ROS1: variants seen among roughly 807,000 people sequenced by gnomAD.
ROS1 encodes proto-oncogene tyrosine-protein kinase ROS.
ROS1 carries 263 observed loss-of-function variants against 273.5 expected under a neutral mutation model. The observed-to-expected ratio is 0.96, with a 90% confidence interval of 0.87 to 1.06. ROS1 has a LOEUF of 1.06. Ranked by LOEUF, ROS1 falls within the 50% of genes least tolerant of loss-of-function variation. The pLI is 0.00. For missense variants in ROS1, 2,833 were observed against 2,751.1 expected, an observed-to-expected ratio of 1.03 and a Z score of -0.67; for synonymous variants, 1,008 against 954.1, an observed-to-expected ratio of 1.06 and a Z score of -1.04.
chr6:117,414,100 ATATT>A (rs1562386081), intron 4 of ROS1, among the ~76,000 whole-genome samples: 1 of 152,202 alleles, frequency 6.6e-6, no homozygotes, highest in Non-Finnish European at 1.5e-5. Context: ...TTAATGTCCT[ATATT>A]TAATGATAGA....
At chr6:117,363,505 C>T (rs1779969994) in intron 21 of ROS1, among the ~76,000 whole-genome samples, 1 of 152,098 alleles carries the variant, frequency 6.6e-6, no homozygotes, top group Admixed American at 6.5e-5. Context: ...CTGGATGGCC[C>T]TCTCCTCTCT....
intron 27 of ROS1, 100 bp downstream of exon 27, chr6:117,352,890 A>G: frequency 9.2e-7 from 1 of 1,089,684 alleles, no homozygotes; most frequent in Non-Finnish European, 1.3e-6. Flanking sequence ...TGAGAGCACA[A>G]CAAAGGGGCT....
intron 31 of ROS1, among the ~76,000 whole-genome samples, chr6:117,339,043 GTTC>G (rs896076055): frequency 6.6e-6 from 1 of 152,088 alleles, no homozygotes; most frequent in African/African-American, 2.4e-5. Flanking sequence ...TTTTAAATAT[GTTC>G]TTCTTCTATA....
intron 43 of ROS1, among the ~76,000 whole-genome samples, chr6:117,290,163 C>A (rs1293308803): frequency 6.6e-6 from 1 of 152,154 alleles, no homozygotes; most frequent in Non-Finnish European, 1.5e-5. Context: ...AAACTTCCTA[C>A]TAAAACATGA....
chr6:117,409,463 T>G (rs1774716737), intron 5 of ROS1, 119 bp downstream of exon 5: 1 of 728,628 alleles, frequency 1.4e-6, no homozygotes, highest in African/African-American at 1.8e-5. Flanking sequence ...ATAGATATTT[T>G]TGATCATATT....
At chr6:117,406,849 G>A (rs575705135) in intron 5 of ROS1, among the ~76,000 whole-genome samples, 1 of 152,246 alleles carries the variant, frequency 6.6e-6, no homozygotes, top group South Asian at 2.1e-4. Context: ...GCATGCTAAT[G>A]GGGCCTGTGT....
intron 6 of ROS1, 59 bp from the exon 7 acceptor site, chr6:117,403,336 A>C (rs1407179): frequency 0.51 from 772,919 of 1,520,198 alleles, 204,357 homozygotes; most frequent in African/African-American, 0.88. Context: ...CATTGGGACT[A>C]AAAAGCATAG....
At chr6:117,335,259 C>A (rs1159305171) in intron 32 of ROS1, among the ~76,000 whole-genome samples, 1 of 152,138 alleles carries the variant, frequency 6.6e-6, no homozygotes, top group African/African-American at 2.4e-5. Flanking sequence ...CACTGATCAT[C>A]AGAGGAGTAC....
In ROS1 at chr6:117,389,957, G is replaced by A; in HGVS notation, c.1290-111C>T. ...ACAATCAGAACTATGTATCTCTGATGTTGCTAAGTACAGGATTTTCCAAGG... is the reference window on the plus strand; with the variant it reads ...ACAATCAGAACTATGTATCTCTGATATTGCTAAGTACAGGATTTTCCAAGG... On this transcript the variant is annotated intron_variant, in intron 12 of 43. Coordinates refer to ENST00000368507, the MANE Select transcript of ROS1 (RefSeq NM_001378902.1). 4 of 941,196 alleles carry A rather than the reference G, an allele frequency of 4.2e-6. No homozygotes were observed. In the South Asian group the frequency reaches 6.8e-5, roughly 16 times the overall value. 58.3% of individuals were successfully genotyped at this position (941,196 alleles called of 1,614,324 possible).
At chr6:117,307,170 T>A (rs1430762918) in intron 42 of ROS1, among the ~76,000 whole-genome samples, 1 of 152,168 alleles carries the variant, frequency 6.6e-6, no homozygotes, top group Non-Finnish European at 1.5e-5. Context: ...TCTACCTTTT[T>A]CTGCTCCACA....
At chr6:117,383,247 G>GA in intron 17 of ROS1, 70 bp downstream of exon 17, 1 of 1,215,770 alleles carries the variant, frequency 8.2e-7, no homozygotes. Context: ...CACAATAAGC[G>GA]AGAGAAAGTA....
chr6:117,389,425 G>A lies in ROS1; in HGVS notation c.1711C>T (p.Gln571Ter). Residue 571 changes from glutamine (Q) to a stop codon, truncating the protein, a stop_gained, in exon 13 of 44, where the codon CAG becomes TAG. Transcript: ENST00000368507. LOFTEE classifies it high-confidence loss of function. ...SQLHPLPGRP[Q>*]ELSVLFGSHQ... is the part of the protein sequence containing the mutation. Reference sequence around the variant, plus strand: ...GAGCCAAACAGCACCGAAAGCTCCTGCGGGCGGCCTGGCAGAGGGTGCAGC... The same window carrying A: ...GAGCCAAACAGCACCGAAAGCTCCTACGGGCGGCCTGGCAGAGGGTGCAGC... The A allele has an allele frequency of 1.9e-6, 3 of 1,614,206 alleles. No homozygotes were observed. Among genetic ancestry groups the A allele is most frequent in the Non-Finnish European group, 2.5e-6 (3 of 1,180,044 alleles).
chr6:117,356,562 T>C, intron 26 of ROS1, 67 bp downstream of exon 26: 2 of 1,417,326 alleles, frequency 1.4e-6, no homozygotes, highest in East Asian at 2.3e-5. Context: ...ATGCAAGCCC[T>C]TTGTAAATGC....
intron 42 of ROS1, among the ~76,000 whole-genome samples, chr6:117,306,019 C>T (rs1440015195): frequency 3.5e-5 from 5 of 144,830 alleles, no homozygotes; most frequent in Non-Finnish European, 7.5e-5. Flanking sequence ...CTTTACAACT[C>T]TTCTCCTCAA....
intron 9 of ROS1, among the ~76,000 whole-genome samples, chr6:117,395,585 A>G (rs1773426220): frequency 1.3e-5 from 2 of 152,168 alleles, no homozygotes; most frequent in Admixed American, 1.3e-4. Flanking sequence ...TCAAATTTCC[A>G]GTACTTCTTA....
Position 117,329,410 on chromosome 6 carries a change from A to G in ROS1, c.5267T>C (p.Leu1756Pro). The G allele has an allele frequency of 1.2e-6, 2 of 1,601,244 alleles. No individual in the cohort carries two copies. The change falls in exon 33 of 44, where the codon CTA (leucine) becomes CCA (proline). Residue 1756 changes from leucine to proline, a missense_variant. By Grantham distance (98) the Leu-to-Pro change is moderately conservative. Coordinates refer to ENST00000368507, the MANE Select transcript of ROS1 (RefSeq NM_001378902.1). ...CTGTATTGAATTTTTACTCCCTTCT[A>G]GTAATTTGGGAATGCCTGGTTTATT... Reference protein sequence around the residue: ...VPNKPGIPKLLEGSKNSIQWE... With the variant: ...VPNKPGIPKLPEGSKNSIQWE...
chr6:117,360,620 A>T (rs1357644138), intron 22 of ROS1, among the ~76,000 whole-genome samples: 10 of 152,206 alleles, frequency 6.6e-5, no homozygotes, highest in Non-Finnish European at 4.4e-5. Context: ...TAATCTAGAA[A>T]AGTGCAAGAA....
rs1562292130 is a variant in ROS1 at position 117,342,427 on chromosome 6, CT to C, written c.4623del (p.Glu1542ArgfsTer55). 1.2e-6 allele frequency: 2 copies of C among 1,612,096 alleles called. No individual in the cohort carries two copies. The highest frequency in any genetic ancestry group is 2.2e-5 in the South Asian group (2 of 90,820). ...SDPLEHLPPG[K>X]EIWGKTKNGV... ...CCATTTTTAGTTTTTCCCCAAATCT[CT>C]TTTCCTGGTGGTAAATGTTCCAAAG... On this transcript the variant is annotated frameshift_variant, in exon 29 of 44. Coordinates refer to ENST00000368507, the MANE Select transcript of ROS1 (RefSeq NM_001378902.1). LOFTEE classifies it high-confidence loss of function.
intron 39 of ROS1, among the ~76,000 whole-genome samples, chr6:117,311,492 A>G (rs1430848994): frequency 6.6e-5 from 10 of 152,158 alleles, no homozygotes; most frequent in Non-Finnish European, 1.5e-4. Flanking sequence ...TAAAATGGGC[A>G]ATAATACTGA....
Sources: gnomAD v4.1 joint callset for allele counts (sites outside exome capture counted in the v4.1 genomes callset) on GRCh38, gnomAD v4.1.1 for gene constraint, MANE v1.5 for transcripts, NCBI Gene and HGNC (gene_info 2026-07-23, HGNC 2026-07-21) for gene names.